Variants in GABRB1 observed in about 807,000 individuals in gnomAD.
GABRB1 encodes gamma-aminobutyric acid type A receptor subunit beta1.
A neutral mutation model predicts 51.6 loss-of-function variants in GABRB1; 17 were observed. That is an observed-to-expected ratio of 0.33 (90% CI 0.23 to 0.49). GABRB1 has a LOEUF of 0.49. Among genes scored for constraint, GABRB1 ranks in the 20% least tolerant of loss-of-function variants. The probability of loss-of-function intolerance (pLI) is 0.99; values close to 1 mark genes in which losing one functional copy is unlikely to be tolerated. For missense variants in GABRB1, 410 were observed against 600.6 expected, an observed-to-expected ratio of 0.68 and a Z score of 3.32; for synonymous variants, 247 against 218.9, an observed-to-expected ratio of 1.13 and a Z score of -1.14.
intron 4 of GABRB1, among the ~76,000 whole-genome samples, chr4:47,303,160 A>G (rs1450272442): frequency 6.6e-6 from 1 of 151,778 alleles, no homozygotes; most frequent in African/African-American, 2.4e-5. Flanking sequence ...AAGTTTGACT[A>G]CTATAAAGAA....
At chr4:47,111,081 A>G (rs1577916839) in intron 3 of GABRB1, among the ~76,000 whole-genome samples, 1 of 152,230 alleles carries the variant, frequency 6.6e-6, no homozygotes, top group Non-Finnish European at 1.5e-5. Flanking sequence ...TGGAAAAAAT[A>G]TTGCATTAAT....
At chr4:47,305,206 A>G (rs904006891) in intron 4 of GABRB1, among the ~76,000 whole-genome samples, 5 of 152,086 alleles carry the variant, frequency 3.3e-5, no homozygotes, top group African/African-American at 1.2e-4. Context: ...AACAATTGAG[A>G]GTTCCTAAAA....
intron 5 of GABRB1, among the ~76,000 whole-genome samples, chr4:47,364,242 C>T (rs1726901524): frequency 6.6e-6 from 1 of 152,086 alleles, no homozygotes; most frequent in East Asian, 1.9e-4. Flanking sequence ...ACTGAGAGGC[C>T]ATTAGGGGAA....
intron 4 of GABRB1, among the ~76,000 whole-genome samples, chr4:47,266,182 T>C (rs931738239): frequency 1.3e-5 from 2 of 152,186 alleles, no homozygotes; most frequent in Non-Finnish European, 2.9e-5. Context: ...CTAGCACCAT[T>C]TATTAAATAG....
chr4:47,176,181 G>A (rs754045398), intron 4 of GABRB1, among the ~76,000 whole-genome samples: 15 of 152,036 alleles, frequency 9.9e-5, no homozygotes, highest in Non-Finnish European at 1.8e-4. Context: ...CTTAGTTCAG[G>A]TGGTGTATTA....
Position 47,031,898 on chromosome 4 carries a change from T to G in GABRB1, c.81-16T>G. On this transcript the variant is annotated splice_polypyrimidine_tract_variant and intron_variant, in intron 1 of 8. Transcript: ENST00000295454. ...TTGTGCTCATTTTGAATACGGTCCC[T>G]ACTTCTTCCCCTTAGCACCAATGAA... 1 of 1,610,014 alleles carries G rather than the reference T, an allele frequency of 6.2e-7. No individual in the cohort carries two copies. The highest frequency in any genetic ancestry group is 8.5e-7 in the Non-Finnish European group (1 of 1,176,314).
At chr4:47,081,476 TAC>T (rs965908426) in intron 3 of GABRB1, among the ~76,000 whole-genome samples, 1 of 152,200 alleles carries the variant, frequency 6.6e-6, no homozygotes, top group Non-Finnish European at 1.5e-5. Flanking sequence ...CATTTAGTAT[TAC>T]AACTTCTTTT....
chr4:47,224,849 T>C (rs960905576), intron 4 of GABRB1, among the ~76,000 whole-genome samples: 2 of 152,126 alleles, frequency 1.3e-5, no homozygotes, highest in African/African-American at 2.4e-5. Context: ...AAAATAATCT[T>C]CTTGGCTTTC....
rs144341449 is a variant in GABRB1, at chr4:47,082,272, T to C, written c.240+49788T>C. ...ATCACTGTTATAAATGGAAAACAAATATAACTTTGAAAAATAAAAGATAAT... is the reference window on the plus strand; with the variant it reads ...ATCACTGTTATAAATGGAAAACAAACATAACTTTGAAAAATAAAAGATAAT... On this transcript the variant is annotated intron_variant, in intron 3 of 8. Coordinates refer to ENST00000295454, the MANE Select transcript of GABRB1 (RefSeq NM_000812.4). 1.3e-3 allele frequency among the ~76,000 whole-genome samples: 197 copies of C among 152,058 alleles called. 1 individual carries two copies. The highest frequency in any genetic ancestry group is 0.01 in the Middle Eastern group (3 of 294).
chr4:47,291,964 T>G (rs542975654), intron 4 of GABRB1, among the ~76,000 whole-genome samples: 1 of 152,304 alleles, frequency 6.6e-6, no homozygotes, highest in African/African-American at 2.4e-5. Flanking sequence ...TTTGAGGGAC[T>G]GTTGGGAAGG....
chr4:47,191,435 C>A (rs1055346595), intron 4 of GABRB1, among the ~76,000 whole-genome samples: 35 of 152,124 alleles, frequency 2.3e-4, no homozygotes, highest in Middle Eastern at 3.2e-3. Context: ...CATAAATGAA[C>A]AGACTCAATT....
In GABRB1 at chr4:47,039,544, A is replaced by G. The variant is rs546933289; in HGVS notation, c.240+7060A>G. The stretch of plus-strand genomic sequence containing the variant: ...GAAGAACTGTGGATTTGAAACATCC[A>G]TAGTTATCTTGGTCTATGTGGTAGG... On this transcript the variant is annotated intron_variant, in intron 3 of 8. Transcript: ENST00000295454. Among the ~76,000 whole-genome samples the G allele has an allele frequency of 2.3e-4, 35 of 152,204 alleles. No individual in the cohort carries two copies. In the South Asian group the frequency reaches 6.4e-3, roughly 28 times the overall value.
At chr4:47,254,202 C>G (rs773196870) in intron 4 of GABRB1, among the ~76,000 whole-genome samples, 1 of 151,956 alleles carries the variant, frequency 6.6e-6, no homozygotes, top group Non-Finnish European at 1.5e-5. Flanking sequence ...ATCAGAAAAT[C>G]TCCCTAAATT....
At chr4:47,065,743 T>TA (rs1420854436) in intron 3 of GABRB1, among the ~76,000 whole-genome samples, 4 of 151,936 alleles carry the variant, frequency 2.6e-5, no homozygotes, top group African/African-American at 9.7e-5. Context: ...TCCTTAAGGC[T>TA]AAAAAAATAG....
At chr4:47,222,528 A>T (rs1260899796) in intron 4 of GABRB1, among the ~76,000 whole-genome samples, 1 of 152,104 alleles carries the variant, frequency 6.6e-6, no homozygotes, top group Non-Finnish European at 1.5e-5. Context: ...CCATGTGAAG[A>T]AGCCAGGAAT....
At chr4:47,095,389 C>G (rs1714361449) in intron 3 of GABRB1, among the ~76,000 whole-genome samples, 1 of 151,990 alleles carries the variant, frequency 6.6e-6, no homozygotes, top group Non-Finnish European at 1.5e-5. Flanking sequence ...GAGAAAGGCC[C>G]AGAACAAGAA....
chr4:47,378,410 A>G (rs1232104404), intron 5 of GABRB1, among the ~76,000 whole-genome samples: 2 of 152,100 alleles, frequency 1.3e-5, no homozygotes, highest in Non-Finnish European at 2.9e-5. Context: ...CACCGCGCGC[A>G]GCCCGGGTTC....
Position 47,406,746 on chromosome 4 carries a change from C to T in GABRB1, c.900C>T (p.Ile300=). 6.2e-7 allele frequency: 1 copy of T among 1,614,126 alleles called. No homozygotes were observed. The highest frequency in any genetic ancestry group is 8.5e-7 in the Non-Finnish European group (1 of 1,180,016). ...ACCTCAGGGAGACCCTGCCAAAGAT[C>T]CCTTATGTCAAAGCGATTGATATTT... ...STHLRETLPK[I]PYVKAIDIYL... Residue 300 remains isoleucine, a synonymous_variant, in exon 8 of 9, where the codon ATC becomes ATT. Coordinates refer to ENST00000295454, the MANE Select transcript of GABRB1 (RefSeq NM_000812.4).
At chr4:47,033,787 G>C (rs1725438866) in intron 3 of GABRB1, among the ~76,000 whole-genome samples, 1 of 152,166 alleles carries the variant, frequency 6.6e-6, no homozygotes, top group African/African-American at 2.4e-5. Flanking sequence ...AGCGGCTCCT[G>C]CTTCAAATAA....
Sources: gnomAD v4.1 joint callset for allele counts (sites outside exome capture counted in the v4.1 genomes callset) on GRCh38, gnomAD v4.1.1 for gene constraint, MANE v1.5 for transcripts, NCBI Gene and HGNC (gene_info 2026-07-23, HGNC 2026-07-21) for gene names.